SLC30A8: variants seen among roughly 807,000 people sequenced by gnomAD.
The protein encoded by SLC30A8 is proton-coupled zinc antiporter SLC30A8.
A neutral mutation model predicts 36.9 loss-of-function variants in SLC30A8; 27 were observed. The observed-to-expected ratio is 0.73, with a 90% CI of 0.54 to 1.01. SLC30A8 has a LOEUF of 1.01. Ranked by LOEUF, SLC30A8 falls within the 50% of genes least tolerant of loss-of-function variation. The pLI is 0.00. For synonymous variants in SLC30A8, 164 were observed against 172.4 expected, an observed-to-expected ratio of 0.95 and a Z score of 0.38; for missense variants, 439 against 452.0, an observed-to-expected ratio of 0.97 and a Z score of 0.26.
At chr8:116,984,518 T>TG (rs1815377120) in intron 1 of SLC30A8, among the ~76,000 whole-genome samples, 2 of 152,194 alleles carry the variant, frequency 1.3e-5, no homozygotes, top group African/African-American at 4.8e-5. Context: ...AGTTGTGTAA[T>TG]GATGTCTCAT....
At chr8:117,111,449 T>G (rs536977652) in intron 2 of SLC30A8, among the ~76,000 whole-genome samples, 1 of 152,292 alleles carries the variant, frequency 6.6e-6, no homozygotes, top group African/African-American at 2.4e-5. Flanking sequence ...ACCTTTCCTT[T>G]GGGTCACTAT....
chr8:116,993,453 C>T (rs1246201656), intron 1 of SLC30A8, among the ~76,000 whole-genome samples: 2 of 152,006 alleles, frequency 1.3e-5, no homozygotes, highest in African/African-American at 4.8e-5. Context: ...TTCAAAGCAT[C>T]TACAATGTCT....
At chr8:117,149,488 G>C (rs1235959811) in intron 2 of SLC30A8, among the ~76,000 whole-genome samples, 1 of 152,116 alleles carries the variant, frequency 6.6e-6, no homozygotes, top group African/African-American at 2.4e-5. Flanking sequence ...AAGCACAAAG[G>C]CTAAAACACT....
upstream of SLC30A8, among the ~76,000 whole-genome samples, chr8:117,132,830 T>G (rs779160791): frequency 6.6e-6 from 1 of 152,048 alleles, no homozygotes; most frequent in East Asian, 1.9e-4. Context: ...TTACATGATA[T>G]AATATGCAAT....
chr8:117,157,614 C>G (rs969908029), intron 3 of SLC30A8, 77 bp from the exon 4 acceptor site: 2 of 1,535,016 alleles, frequency 1.3e-6, no homozygotes, highest in African/African-American at 2.7e-5. Flanking sequence ...GGCAAAGTGT[C>G]TTATGACTCT....
chr8:116,994,048 TAAAAA>T (rs796653965), intron 1 of SLC30A8, among the ~76,000 whole-genome samples: 1 of 143,090 alleles, frequency 7.0e-6, no homozygotes, highest in Admixed American at 7.0e-5. Context: ...AAAAACTAAA[TAAAAA>T]AAAAAGAAAG....
At chr8:116,978,603 A>C (rs1815140320) in intron 1 of SLC30A8, among the ~76,000 whole-genome samples, 2 of 152,186 alleles carry the variant, frequency 1.3e-5, no homozygotes. Context: ...CTCTTATTAC[A>C]GTATGTGCAA....
chr8:116,957,261 C>G (rs1030901802), intron 1 of SLC30A8, among the ~76,000 whole-genome samples: 1 of 151,684 alleles, frequency 6.6e-6, no homozygotes, highest in Non-Finnish European at 1.5e-5. Flanking sequence ...CAGCACCATT[C>G]TTTTTTTTAT....
At chr8:117,165,764 G>A (rs1458280436) in intron 6 of SLC30A8, among the ~76,000 whole-genome samples, 1 of 152,184 alleles carries the variant, frequency 6.6e-6, no homozygotes, top group Non-Finnish European at 1.5e-5. Context: ...TCAAGAAAAT[G>A]CAGTGTATAT....
chr8:116,998,308 A>G (rs1209696056), intron 1 of SLC30A8, among the ~76,000 whole-genome samples: 1 of 152,220 alleles, frequency 6.6e-6, no homozygotes, highest in Non-Finnish European at 1.5e-5. Context: ...AGTGGCAATG[A>G]TGGCCAGAAA....
At chr8:117,099,734 T>C (rs1819626081) in intron 2 of SLC30A8, among the ~76,000 whole-genome samples, 1 of 152,182 alleles carries the variant, frequency 6.6e-6, no homozygotes, top group Non-Finnish European at 1.5e-5. Context: ...TCAGTCTCTT[T>C]TTGGACAATA....
intron 2 of SLC30A8, among the ~76,000 whole-genome samples, chr8:117,085,794 G>A (rs1818855783): frequency 6.6e-6 from 1 of 152,138 alleles, no homozygotes; most frequent in South Asian, 2.1e-4. Flanking sequence ...CTAATAAATG[G>A]TAGACCCAAG....
chr8:117,097,864 T>C (rs1424247503), intron 2 of SLC30A8, among the ~76,000 whole-genome samples: 1 of 99,516 alleles, frequency 1.0e-5, no homozygotes, highest in East Asian at 2.8e-4. Context: ...ATATATATTA[T>C]ATATAATATA....
intron 2 of SLC30A8, among the ~76,000 whole-genome samples, chr8:117,103,978 G>A (rs1031805248): frequency 2.0e-5 from 3 of 152,106 alleles, no homozygotes; most frequent in East Asian, 1.9e-4. Flanking sequence ...ATAGTCTTCT[G>A]TGGACATCAT....
intron 1 of SLC30A8, among the ~76,000 whole-genome samples, chr8:116,968,806 A>C (rs1471315868): frequency 6.6e-6 from 1 of 151,956 alleles, no homozygotes; most frequent in African/African-American, 2.4e-5. Context: ...GCACGATCTC[A>C]GCTCACTGCA....
intron 1 of SLC30A8, among the ~76,000 whole-genome samples, chr8:117,012,724 T>TACACACACACACACACACACACAC (rs376889831): frequency 7.9e-6 from 1 of 126,276 alleles, no homozygotes; most frequent in African/African-American, 2.9e-5. Flanking sequence ...GACATATGTA[T>TACACACACACACACACACACACAC]ACACACACAC....
intron 2 of SLC30A8, among the ~76,000 whole-genome samples, chr8:117,095,532 G>A (rs1003837630): frequency 1.3e-5 from 2 of 151,876 alleles, no homozygotes; most frequent in Admixed American, 6.6e-5. Flanking sequence ...GACAAAAGTT[G>A]TCATTCATTC....
chr8:116,992,380 G>A (rs1381731721), intron 1 of SLC30A8, among the ~76,000 whole-genome samples: 1 of 152,182 alleles, frequency 6.6e-6, no homozygotes, highest in Non-Finnish European at 1.5e-5. Flanking sequence ...AAAAGCAGCT[G>A]TTTGAAGGTG....
chr8:117,027,183 G>T (rs1018559411), intron 1 of SLC30A8, among the ~76,000 whole-genome samples: 1 of 152,120 alleles, frequency 6.6e-6, no homozygotes, highest in Non-Finnish European at 1.5e-5. Context: ...TGTGTTTGGC[G>T]ACAGGGATAG....
Sources: allele counts gnomAD v4.1 joint callset (sites outside exome capture counted in the v4.1 genomes callset), GRCh38; gene constraint gnomAD v4.1.1; transcripts MANE v1.5; gene names NCBI Gene and HGNC (gene_info 2026-07-23, HGNC 2026-07-21).